Variants in ZNHIT6 observed in about 807,000 individuals in gnomAD.
ZNHIT6 encodes the protein box C/D snoRNA protein 1.
Under a neutral mutation model 57.2 loss-of-function variants are expected in ZNHIT6, and 45 were observed. The ratio of observed to expected loss-of-function variants is 0.79; its 90% CI spans 0.62 to 1.01. The LOEUF (loss-of-function observed/expected upper bound fraction) is 1.01. ZNHIT6 is among the 50% of genes least tolerant of loss of function. The pLI is 0.00. For synonymous variants in ZNHIT6, 188 were observed against 190.0 expected, an observed-to-expected ratio of 0.99 and a Z score of 0.09; for missense variants, 528 against 567.3, an observed-to-expected ratio of 0.93 and a Z score of 0.70.
In ZNHIT6 at chr1:85,652,091, A is replaced by G. The variant is rs1237872331; in HGVS notation, c.*1967T>C. On this transcript the variant is annotated 3_prime_UTR_variant, in exon 10 of 10. Transcript: ENST00000370574. ...CTTTTTTTCCTCCTGAGCAGTGGAAACTACAGGATAGTTTGTTTTCTGTCC... is the reference window on the plus strand; with the variant it reads ...CTTTTTTTCCTCCTGAGCAGTGGAAGCTACAGGATAGTTTGTTTTCTGTCC... 6.6e-6 allele frequency: 1 copy of G among 152,208 alleles called. No homozygotes were observed. The highest frequency in any genetic ancestry group is 1.5e-5 in the Non-Finnish European group (1 of 68,038). The allele number at this position is 152,208 out of a possible 1,614,324, so 9.4% of individuals were successfully genotyped here. A position where few individuals can be genotyped will look rare whatever the true frequency, so the allele number is the denominator to read the frequency against.
chr1:85,697,568 T>C (rs1441011109), intron 5 of ZNHIT6, among the ~76,000 whole-genome samples: 1 of 152,228 alleles, frequency 6.6e-6, no homozygotes, highest in East Asian at 1.9e-4. Flanking sequence ...TTTTCTATGA[T>C]CTAGTTACAG....
intron 4 of ZNHIT6, among the ~76,000 whole-genome samples, chr1:85,703,493 A>G (rs1180290000): frequency 6.6e-6 from 1 of 152,208 alleles, no homozygotes; most frequent in African/African-American, 2.4e-5. Flanking sequence ...CCAAGCATAT[A>G]GGGATGCTGA....
At position 85,653,979 on chromosome 1, in the gene ZNHIT6, C is replaced by T; in HGVS notation, c.*79G>A. 1 of 1,186,948 alleles carries T rather than the reference C, an allele frequency of 8.4e-7. No individual in the cohort carries two copies. Among genetic ancestry groups the T allele is most frequent in the South Asian group, 1.3e-5 (1 of 74,322 alleles). 73.5% of individuals were successfully genotyped at this position (1,186,948 alleles called of 1,614,324 possible). A position where few individuals can be genotyped will look rare whatever the true frequency, so the allele number is the denominator to read the frequency against. On this transcript the variant is annotated 3_prime_UTR_variant, in exon 10 of 10. Coordinates refer to ENST00000370574, the MANE Select transcript of ZNHIT6 (RefSeq NM_017953.4). ...TTCCAATCACCCATTGACAATACCC[C>T]AATCAGCCAACAGCCCATCAATGCA... is the stretch of plus-strand genomic sequence containing the variant.
At chr1:85,693,148 TATC>T (rs1034167262) in intron 5 of ZNHIT6, among the ~76,000 whole-genome samples, 1 of 152,160 alleles carries the variant, frequency 6.6e-6, no homozygotes, top group African/African-American at 2.4e-5. Context: ...TGAGGGCCAA[TATC>T]ATTTGGAGAC....
intron 9 of ZNHIT6, among the ~76,000 whole-genome samples, chr1:85,656,609 A>G (rs1186143628): frequency 6.6e-6 from 1 of 152,172 alleles, no homozygotes; most frequent in Non-Finnish European, 1.5e-5. Flanking sequence ...AAAGCAACAT[A>G]ATACAAAGCT....
chr1:85,664,411 T>A (rs556230482), intron 8 of ZNHIT6, among the ~76,000 whole-genome samples: 13 of 152,300 alleles, frequency 8.5e-5, no homozygotes, highest in Admixed American at 1.3e-4. Flanking sequence ...TTAGGTTCAT[T>A]TTTACATTGG....
In ZNHIT6 at chr1:85,708,279, C is replaced by T. The variant is rs762549142; in HGVS notation, c.6G>A (p.Glu2=). M[E]FAAENEGKSG... The stretch of plus-strand genomic sequence containing the variant: ...ACTTCCCTTCATTTTCAGCAGCAAA[C>T]TCCATCAACTCACGATCCTTGGCCT... Residue 2 remains glutamate, a synonymous_variant, in exon 1 of 10, where the codon GAG becomes GAA. Coordinates refer to ENST00000370574, the MANE Select transcript of ZNHIT6 (RefSeq NM_017953.4). 4 of 1,596,934 alleles carry T rather than the reference C, an allele frequency of 2.5e-6. No homozygotes were observed. In the Admixed American group the frequency reaches 5.0e-5, roughly 20 times the overall value.
At chr1:85,687,305 A>AAAAAAAAAAAAAAAAAAAAAT (rs1662087326) in intron 5 of ZNHIT6, among the ~76,000 whole-genome samples, 1 of 145,898 alleles carries the variant, frequency 6.9e-6, no homozygotes, top group Non-Finnish European at 1.5e-5. Flanking sequence ...AAAACAAAAA[A>AAAAAAAAAAAAAAAAAAAAAT]AAAAAACAAT....
chr1:85,705,344 T>A (rs1662654842), intron 4 of ZNHIT6, among the ~76,000 whole-genome samples: 1 of 152,052 alleles, frequency 6.6e-6, no homozygotes, highest in Non-Finnish European at 1.5e-5. Context: ...CTTCTCAAGT[T>A]GCTGGGAGTA....
chr1:85,688,053 AAAAAG>A (rs1400124734), intron 5 of ZNHIT6, among the ~76,000 whole-genome samples: 1 of 152,150 alleles, frequency 6.6e-6, no homozygotes. Context: ...AAAAAAAAAA[AAAAAG>A]AAATGTCTAC....
At chr1:85,654,347 G>T (rs960596610) in intron 9 of ZNHIT6, among the ~76,000 whole-genome samples, 1 of 152,150 alleles carries the variant, frequency 6.6e-6, no homozygotes, top group African/African-American at 2.4e-5. Context: ...ACTTAGGAAT[G>T]GTCACTTCAC....
chr1:85,657,220 G>T (rs1661084517), intron 9 of ZNHIT6, among the ~76,000 whole-genome samples: 1 of 152,028 alleles, frequency 6.6e-6, no homozygotes, highest in African/African-American at 2.4e-5. Context: ...AAACTTTTAT[G>T]TACATTTTTT....
chr1:85,707,334 T>C (rs1662712369), intron 1 of ZNHIT6, among the ~76,000 whole-genome samples: 1 of 152,170 alleles, frequency 6.6e-6, no homozygotes, highest in African/African-American at 2.4e-5. Context: ...GCATATTAAG[T>C]CAAGCCAGAT....
chr1:85,701,285 A>T (rs994406391), intron 5 of ZNHIT6, among the ~76,000 whole-genome samples: 1 of 152,180 alleles, frequency 6.6e-6, no homozygotes, highest in Non-Finnish European at 1.5e-5. Context: ...TCAACTCCCC[A>T]CATCATACAA....
In ZNHIT6 at chr1:85,677,313, C is replaced by A. The variant is rs1467568482; in HGVS notation, c.1170G>T (p.Arg390Ser). The A allele has an allele frequency of 1.1e-5, 17 of 1,603,190 alleles. 1 individual carries two copies. In the South Asian group the frequency reaches 1.8e-4, roughly 17 times the overall value. Residue 390 changes from arginine to serine, a missense_variant and splice_region_variant, in exon 8 of 10, where the codon AGG becomes AGT. Physicochemically the swap from Arg to Ser is moderately radical, Grantham distance 110 (BLOSUM62 -1). Coordinates refer to ENST00000370574, the MANE Select transcript of ZNHIT6 (RefSeq NM_017953.4). ...TCTGAGAGCGAATGTAGGCTTTCAA[C>A]CTGAAATAAAAACATCATATTGAAG... is the stretch of plus-strand genomic sequence containing the variant. ...PEKSDPVIRQRLKAYIRSQTG... is the reference protein window; with the variant it reads ...PEKSDPVIRQSLKAYIRSQTG...
chr1:85,692,737 C>A (rs908438590), intron 5 of ZNHIT6, among the ~76,000 whole-genome samples: 1 of 149,894 alleles, frequency 6.7e-6, no homozygotes, highest in Non-Finnish European at 1.5e-5. Context: ...AAAAAAAGTC[C>A]TGTGCTTTTA....
At chr1:85,705,584 A>C (rs1775985) in intron 4 of ZNHIT6, among the ~76,000 whole-genome samples, 137,987 of 152,214 alleles carry the variant, frequency 0.91, 63,163 homozygotes, top group Non-Finnish European at 0.97. Context: ...GTTACCTTGC[A>C]AATCTTTTAA....
intron 5 of ZNHIT6, among the ~76,000 whole-genome samples, chr1:85,701,174 T>G (rs1221862129): frequency 6.6e-6 from 1 of 152,248 alleles, no homozygotes; most frequent in Non-Finnish European, 1.5e-5. Flanking sequence ...ATAACAGCTT[T>G]GAAAAGATAG....
rs753606506 is a variant in ZNHIT6 at position 85,650,554 on chromosome 1, C to T, written c.*3504G>A. ...GAGTACAGCTTAGTCCATTTTGTGT[C>T]GCTATAATAGAATATCTAAGACTGG... On this transcript the variant is annotated 3_prime_UTR_variant, in exon 10 of 10. Coordinates refer to ENST00000370574, the MANE Select transcript of ZNHIT6 (RefSeq NM_017953.4). 33 of 152,104 alleles carry T rather than the reference C, an allele frequency of 2.2e-4. No individual in the cohort carries two copies. The highest frequency in any genetic ancestry group is 6.5e-4 in the African/African-American group (27 of 41,396). The allele number at this position is 152,104 out of a possible 1,614,324, so 9.4% of individuals were successfully genotyped here. A position where few individuals can be genotyped will look rare whatever the true frequency, so the allele number is the denominator to read the frequency against.
Sources: allele counts gnomAD v4.1 joint callset (sites outside exome capture counted in the v4.1 genomes callset), GRCh38; gene constraint gnomAD v4.1.1; transcripts MANE v1.5; gene names NCBI Gene and HGNC (gene_info 2026-07-23, HGNC 2026-07-21).